CASK: variants seen among roughly 807,000 people sequenced by gnomAD.
CASK encodes peripheral plasma membrane protein CASK.
CASK carries 4 observed loss-of-function variants against 82.9 expected under a neutral mutation model. The ratio of observed to expected loss-of-function variants is 0.05; its 90% CI spans 0.02 to 0.11. The LOEUF (loss-of-function observed/expected upper bound fraction) is 0.11, where lower values mean the gene tolerates loss of function less well. Ranked by LOEUF, CASK falls within the 10% of genes least tolerant of loss-of-function variation. The pLI is 1.00. For synonymous variants in CASK, 259 were observed against 253.5 expected (o/e 1.02, Z -0.20); for missense variants, 358 against 720.9 (o/e 0.50, Z 5.76).
chrX:41,522,680 T>C (rs1233490503), intron 26 of CASK, among the ~76,000 whole-genome samples: 1 of 112,402 alleles, frequency 8.9e-6, no homozygotes, highest in Non-Finnish European at 1.9e-5. Flanking sequence ...GGTTTATGAT[T>C]TGCTCAGCAA....
chrX:41,819,287 A>G (rs777848339), intron 2 of CASK, among the ~76,000 whole-genome samples: 2 of 111,776 alleles, frequency 1.8e-5, no homozygotes, highest in African/African-American at 6.5e-5. Context: ...AGACATCAGT[A>G]CAGATATGTC....
intron 7 of CASK, among the ~76,000 whole-genome samples, chrX:41,662,370 G>C (rs969022739): frequency 9.0e-6 from 1 of 111,413 alleles, no homozygotes; most frequent in Non-Finnish European, 1.9e-5. Context: ...TCTCACATTT[G>C]CAACTGCTGG....
At chrX:41,567,980 A>G (rs1483594957) in intron 16 of CASK, among the ~76,000 whole-genome samples, 1 of 108,565 alleles carries the variant, frequency 9.2e-6, no homozygotes, top group Non-Finnish European at 1.9e-5. Context: ...TCAGCAAACT[A>G]TCACAAGGAC....
chrX:41,727,216 G>C, intron 5 of CASK: 1 of 1,202,023 alleles, frequency 8.3e-7, no homozygotes, highest in Non-Finnish European at 1.1e-6. Flanking sequence ...AAACTTACTT[G>C]TGTGCAGTGC....
intron 11 of CASK, among the ~76,000 whole-genome samples, chrX:41,619,871 T>A (rs1208707234): frequency 3.6e-5 from 4 of 112,417 alleles, no homozygotes; most frequent in African/African-American, 1.3e-4. Flanking sequence ...GTTTGCTGTA[T>A]TTGCTTTATC....
intron 8 of CASK, among the ~76,000 whole-genome samples, chrX:41,646,892 C>T (rs1328538619): frequency 8.9e-6 from 1 of 111,740 alleles, no homozygotes; most frequent in African/African-American, 3.2e-5. Flanking sequence ...GTAACTTTAC[C>T]TAGACCTTAG....
At chrX:41,848,301 T>C (rs1460626512) in intron 2 of CASK, among the ~76,000 whole-genome samples, 4 of 112,193 alleles carry the variant, frequency 3.6e-5, no homozygotes, top group Non-Finnish European at 7.5e-5. Context: ...ATCCCCAATG[T>C]TGAAGGTAGG....
chrX:41,599,851 AG>A (rs1248710190), intron 12 of CASK, among the ~76,000 whole-genome samples: 3 of 112,374 alleles, frequency 2.7e-5, no homozygotes, highest in African/African-American at 9.7e-5. Context: ...AGAAAGCATG[AG>A]GAAAAAAACC....
intron 5 of CASK, chrX:41,727,913 G>A: frequency 8.3e-7 from 1 of 1,201,201 alleles, no homozygotes; most frequent in Non-Finnish European, 1.1e-6. Context: ...ATTCTCACCT[G>A]TCTTGCTTCG....
intron 2 of CASK, among the ~76,000 whole-genome samples, chrX:41,851,678 A>G (rs1350040774): frequency 8.9e-6 from 1 of 112,066 alleles, no homozygotes; most frequent in Admixed American, 9.5e-5. Flanking sequence ...AGAAGCTATT[A>G]ATATTTATTT....
intron 24 of CASK, among the ~76,000 whole-genome samples, chrX:41,533,417 T>C (rs932668604): frequency 1.8e-5 from 2 of 112,074 alleles, no homozygotes; most frequent in African/African-American, 3.2e-5. Context: ...TGAGACACTA[T>C]TGGATACATT....
chrX:41,768,155 C>T lies in CASK; in HGVS notation c.278+19023G>A, dbSNP rs1010358251. On this transcript the variant is annotated intron_variant, in intron 3 of 26. Transcript: ENST00000378163. ...ACTGGACATGCTTTCAGGTTGGTTC[C>T]TATGTCTCTCTGATATGCCCCCATC... 2.7e-5 allele frequency among the ~76,000 whole-genome samples: 3 copies of T among 111,559 alleles called. No individual in the cohort carries two copies. In the Admixed American group the frequency reaches 2.9e-4, roughly 11 times the overall value.
chrX:41,622,842 C>T (rs2066306981), intron 10 of CASK, among the ~76,000 whole-genome samples: 1 of 109,156 alleles, frequency 9.2e-6, no homozygotes, highest in Non-Finnish European at 1.9e-5. Flanking sequence ...TTCTGAATTA[C>T]TTGATTTGAA....
intron 2 of CASK, among the ~76,000 whole-genome samples, chrX:41,836,669 T>C (rs2070932857): frequency 1.8e-5 from 2 of 111,597 alleles, no homozygotes; most frequent in Non-Finnish European, 3.8e-5. Flanking sequence ...AAATACATGA[T>C]CAAACTGTTC....
chrX:41,707,678 G>A (rs940839675), intron 5 of CASK, among the ~76,000 whole-genome samples: 1 of 111,702 alleles, frequency 9.0e-6, no homozygotes, highest in African/African-American at 3.3e-5. Flanking sequence ...AGCTTTGTGT[G>A]TGTGCATGAG....
At chrX:41,882,143 T>C (rs191282390) in intron 1 of CASK, among the ~76,000 whole-genome samples, 34 of 111,684 alleles carry the variant, frequency 3.0e-4, no homozygotes, top group African/African-American at 3.9e-4. Flanking sequence ...AGGCTGATAG[T>C]TGGTGTTCAA....
chrX:41,919,123 T>C (rs906524963), intron 1 of CASK: 1 of 112,419 alleles, frequency 8.9e-6, no homozygotes, highest in Non-Finnish European at 1.9e-5. Flanking sequence ...GGCAGTTACA[T>C]TGCACGCACT....
At chrX:41,658,059 T>C (rs1478218926) in intron 8 of CASK, among the ~76,000 whole-genome samples, 1 of 111,448 alleles carries the variant, frequency 9.0e-6, no homozygotes, top group African/African-American at 3.3e-5. Context: ...AGGACAGGAT[T>C]TGGGGAGCTT....
chrX:41,875,035 C>T (rs1198006640), intron 1 of CASK, among the ~76,000 whole-genome samples: 2 of 112,450 alleles, frequency 1.8e-5, no homozygotes, highest in Non-Finnish European at 3.8e-5. Flanking sequence ...TAAAACATTA[C>T]ACTATCAACC....
Sources: allele counts gnomAD v4.1 joint callset (sites outside exome capture counted in the v4.1 genomes callset), GRCh38; gene constraint gnomAD v4.1.1; transcripts MANE v1.5; gene names NCBI Gene and HGNC (gene_info 2026-07-23, HGNC 2026-07-21).